Variants in CYP4F2 observed in about 807,000 individuals in gnomAD.
CYP4F2 encodes the protein cytochrome P450 family 4 subfamily F member 2.
CYP4F2 carries 58 observed loss-of-function variants against 58.9 expected under a neutral mutation model. The ratio of observed to expected loss-of-function variants is 0.98; its 90% confidence interval spans 0.80 to 1.23. The LOEUF is 1.23. CYP4F2 is among the 50% of genes most tolerant of loss of function. The probability of loss-of-function intolerance (pLI) is 0.00; values close to 1 mark genes in which losing one functional copy is unlikely to be tolerated. For missense variants in CYP4F2, 616 were observed against 685.6 expected, an observed-to-expected ratio of 0.90 and a Z score of 1.13; for synonymous variants, 287 against 261.1, an observed-to-expected ratio of 1.10 and a Z score of -0.95.
intron 2 of CYP4F2, 80 bp from the exon 3 acceptor site, chr19:15,895,730 G>A: frequency 6.7e-7 from 1 of 1,501,794 alleles, no homozygotes; most frequent in Non-Finnish European, 8.8e-7. Context: ...GGATGCCCAG[G>A]TAGTTGGTCA....
intron 9 of CYP4F2, 92 bp from the exon 10 acceptor site, chr19:15,879,989 C>A: frequency 1.3e-6 from 2 of 1,569,438 alleles, no homozygotes; most frequent in Non-Finnish European, 8.6e-7. Context: ...CTTTTCTCCC[C>A]GCAATAAAAT....
rs200408902 is a variant in CYP4F2, at chr19:15,881,002, T to TG, written c.1116-1106_1116-1105insC. ...AGATGCTTATACATGCAAGGAATGG[T>TG]CACTGTGCACACATGCTGACTGCCT... On this transcript the variant is annotated intron_variant, in intron 9 of 12. Transcript: ENST00000221700. Among the ~76,000 whole-genome samples, 178 of 152,326 alleles carry TG rather than the reference T, an allele frequency of 1.2e-3. 4 individuals are homozygous for TG. The East Asian group carries it at 0.027, about 23-fold the overall frequency.
In CYP4F2 at chr19:15,879,849, G is replaced by A. The variant is rs766279353; in HGVS notation, c.1164C>T (p.Ser388=). Reference sequence around the variant, plus strand: ...CCGGGACTGGGGGATGCAGCCGCAGGCTCTCCTTCATGCACATGGTCAGGA... The same window carrying A: ...CCGGGACTGGGGGATGCAGCCGCAGACTCTCCTTCATGCACATGGTCAGGA... ...LPFLTMCMKE[S]LRLHPPVPVI... Residue 388 remains serine, a synonymous_variant, in exon 10 of 13, where the codon AGC becomes AGT. Transcript: ENST00000221700. The A allele has an allele frequency of 3.1e-6, 5 of 1,614,136 alleles. No individual in the cohort carries two copies. In the South Asian group the frequency reaches 5.5e-5, roughly 18 times the overall value.
intron 1 of CYP4F2, 85 bp from the exon 2 acceptor site, chr19:15,897,697 C>T (rs1344019692): frequency 1.1e-5 from 16 of 1,508,924 alleles, no homozygotes; most frequent in East Asian, 9.3e-5. Context: ...GAGGCAGGGA[C>T]GGGCAGTGCC....
intron 9 of CYP4F2, among the ~76,000 whole-genome samples, chr19:15,880,984 T>C (rs1289441136): frequency 6.6e-6 from 1 of 152,244 alleles, no homozygotes; most frequent in African/African-American, 2.4e-5. Flanking sequence ...CAGAGATGCT[T>C]ATACATGCAA....
chr19:15,879,983 T>C, intron 9 of CYP4F2, 86 bp from the exon 10 acceptor site: 3 of 1,575,472 alleles, frequency 1.9e-6, no homozygotes, highest in Non-Finnish European at 2.6e-6. Context: ...TGAGACCTTT[T>C]CTCCCCGCAA....
chr19:15,892,742 G>T (rs909957942), intron 3 of CYP4F2, among the ~76,000 whole-genome samples, 160 bp from the exon 4 acceptor site: 8 of 152,144 alleles, frequency 5.3e-5, no homozygotes, highest in Non-Finnish European at 1.0e-4. Context: ...GATGGGGAGG[G>T]GAGGGAAGAC....
rs3093154 is a variant in CYP4F2, at chr19:15,890,230, GT to G, written c.647+81del. ...AAACTCCTCCAGGAAGGTTTGTCTG[GT>G]TTCCCTGCTTAGTCCTCCCTCTCCC... On this transcript the variant is annotated intron_variant, in intron 6 of 12. Coordinates refer to ENST00000221700, the MANE Select transcript of CYP4F2 (RefSeq NM_001082.5). 3,339 of 1,607,132 alleles carry G rather than the reference GT, an allele frequency of 2.1e-3. 80 individuals are homozygous for G. The African/African-American group carries it at 0.04, about 19-fold the overall frequency.
chr19:15,892,980 C>T (rs924875998), intron 3 of CYP4F2, among the ~76,000 whole-genome samples: 9 of 152,166 alleles, frequency 5.9e-5, no homozygotes, highest in Non-Finnish European at 1.3e-4. Flanking sequence ...CTGACATGGA[C>T]CTGGACATGA....
At chr19:15,880,775 A>G (rs1686678026) in intron 9 of CYP4F2, among the ~76,000 whole-genome samples, 1 of 152,228 alleles carries the variant, frequency 6.6e-6, no homozygotes, top group Non-Finnish European at 1.5e-5. Context: ...TCTTATTTAA[A>G]ACAATGTCCA....
At chr19:15,886,936 T>A (rs2089383865) in intron 7 of CYP4F2, among the ~76,000 whole-genome samples, 1 of 152,170 alleles carries the variant, frequency 6.6e-6, no homozygotes, top group African/African-American at 2.4e-5. Flanking sequence ...CACATACAAG[T>A]GAAAACATTA....
intron 9 of CYP4F2, among the ~76,000 whole-genome samples, chr19:15,882,936 A>G (rs1352963563): frequency 2.0e-5 from 3 of 152,240 alleles, no homozygotes; most frequent in Non-Finnish European, 1.5e-5. Context: ...ACTGTTGACC[A>G]TAGTCACTGC....
chr19:15,886,254 A>G lies in CYP4F2; in HGVS notation c.973T>C (p.Phe325Leu), dbSNP rs1163693497. The change falls in exon 8 of 13, where the codon TTT becomes CTT. Residue 325 changes from phenylalanine to leucine, a missense_variant. Coordinates refer to ENST00000221700, the MANE Select transcript of CYP4F2 (RefSeq NM_001082.5). Reference protein sequence around the residue: ...DEDIRAEADTFMFEGHDTTAS... With the variant: ...DEDIRAEADTLMFEGHDTTAS... ...CTGGGGCCCTCACCCTCAAACATAA[A>G]GGTGTCAGCTTCTGCTCTTATGTCC... The G allele has an allele frequency of 8.1e-6, 13 of 1,613,794 alleles. No individual in the cohort carries two copies. Among genetic ancestry groups the G allele is most frequent in the Non-Finnish European group, 1.0e-5 (12 of 1,179,966 alleles).
At position 15,879,917 on chromosome 19, in the gene CYP4F2, C is replaced by A. The variant is rs1157474667; in HGVS notation, c.1116-20G>T. 1.2e-6 allele frequency: 2 copies of A among 1,613,268 alleles called. No homozygotes were observed. The highest frequency in any genetic ancestry group is 1.7e-5 in the Admixed American group (1 of 59,698). ...TCGTCCCTAAGGAAACACCCCAGCC[C>A]CAATCCTTATCAAGGGAGCAAAGAC... is the stretch of plus-strand genomic sequence containing the variant. On this transcript the variant is annotated intron_variant, in intron 9 of 12. Transcript: ENST00000221700.
In CYP4F2 at chr19:15,895,626, T is replaced by C; in HGVS notation, c.223A>G (p.Arg75Gly). The change falls in exon 3 of 13, where the codon AGA becomes GGA. Residue 75 changes from arginine (R) to glycine (G), a missense_variant. By Grantham distance (125) the Arg-to-Gly change is moderately radical. Coordinates refer to ENST00000221700, the MANE Select transcript of CYP4F2 (RefSeq NM_001082.5). ...GMVNPTEEGM[R>G]VLTQLVATYP... ...GTGGCCACCAGCTGAGTCAGAACTCTCATGCCCTCCTCTGTGGGGTTGACC... is the reference window on the plus strand; with the variant it reads ...GTGGCCACCAGCTGAGTCAGAACTCCCATGCCCTCCTCTGTGGGGTTGACC... 1 of 1,599,114 alleles carries C rather than the reference T, an allele frequency of 6.3e-7. No individual in the cohort carries two copies. The highest frequency in any genetic ancestry group is 1.1e-5 in the South Asian group (1 of 88,434).
chr19:15,893,928 A>G (rs1467305656), intron 3 of CYP4F2: 1 of 248,932 alleles, frequency 4.0e-6, no homozygotes, highest in East Asian at 1.1e-4. Context: ...CTAGGCTGTG[A>G]GAGAGAAGGA....
In CYP4F2 at chr19:15,879,034, G is replaced by A. The variant is rs1229740053; in HGVS notation, c.1398-98C>T. 9 of 1,529,450 alleles carry A rather than the reference G, an allele frequency of 5.9e-6. No homozygotes were observed. The East Asian group carries it at 6.8e-5, about 12-fold the overall frequency. 94.7% of individuals were successfully genotyped at this position (1,529,450 alleles called of 1,614,324 possible). ...CCTGGGACACCCAACCCCACCTAGA[G>A]CAGTTTGAGGAATAGAGAAGGGGGT... is the stretch of plus-strand genomic sequence containing the variant. On this transcript the variant is annotated intron_variant, in intron 12 of 12. Transcript: ENST00000221700.
chr19:15,897,318 TCCC>T, intron 2 of CYP4F2, 93 bp downstream of exon 2: 2 of 1,112,528 alleles, frequency 1.8e-6, no homozygotes, highest in Non-Finnish European at 2.6e-6. Context: ...CCACCCCAGA[TCCC>T]AGCCCACCCC....
Position 15,895,663 on chromosome 19 carries a change from C to A in CYP4F2, c.199-13G>T, listed in dbSNP as rs1033555735. 1 of 1,591,016 alleles carries A rather than the reference C, an allele frequency of 6.3e-7. No individual in the cohort carries two copies. Among genetic ancestry groups the A allele is most frequent in the Middle Eastern group, 1.7e-4 (1 of 5,932 alleles). On this transcript the variant is annotated splice_polypyrimidine_tract_variant and intron_variant, in intron 2 of 12. Coordinates refer to ENST00000221700, the MANE Select transcript of CYP4F2 (RefSeq NM_001082.5). ...CTGTGGGGTTGACCTGCAAGCAAGG[C>A]AGGGGTCATTACCTTCTGTGATAGT...
Sources: gnomAD v4.1 joint callset for allele counts (sites outside exome capture counted in the v4.1 genomes callset) on GRCh38, gnomAD v4.1.1 for gene constraint, MANE v1.5 for transcripts, NCBI Gene and HGNC (gene_info 2026-07-23, HGNC 2026-07-21) for gene names.